CAMTA2: variants seen among roughly 807,000 people sequenced by gnomAD.
The protein encoded by CAMTA2 is calmodulin binding transcription activator 2, also known as calmodulin-binding transcription activator 2.
Under a neutral mutation model 135.7 loss-of-function variants are expected in CAMTA2, and 56 were observed. That is an observed-to-expected ratio of 0.41 (90% CI 0.33 to 0.52). The LOEUF (loss-of-function observed/expected upper bound fraction) is 0.52, where lower values mean the gene tolerates loss of function less well. CAMTA2 is among the 20% of genes least tolerant of loss of function. The probability of loss-of-function intolerance (pLI) is 0.16; values close to 1 mark genes in which losing one functional copy is unlikely to be tolerated. For synonymous variants in CAMTA2, 591 were observed against 604.6 expected, an observed-to-expected ratio of 0.98 and a Z score of 0.33; for missense variants, 1,358 against 1,553.4, an observed-to-expected ratio of 0.87 and a Z score of 2.11.
intron 16 of CAMTA2, 125 bp downstream of exon 16, chr17:4,972,107 T>C: frequency 2.5e-6 from 2 of 792,070 alleles, no homozygotes; most frequent in Middle Eastern, 4.7e-4. Context: ...ACCTTGCCTG[T>C]CCCAAAATGA....
rs370707703 is a variant in CAMTA2 at position 4,987,149 on chromosome 17, G to A, written c.-65+444C>T. 2.1e-3 allele frequency: 2,852 copies of A among 1,351,794 alleles called. 6 individuals are homozygous for A. Among genetic ancestry groups the A allele is most frequent in the African/African-American group, 0.011 (741 of 65,234 alleles). The allele number at this position is 1,351,794 out of a possible 1,614,324, so 83.7% of individuals were successfully genotyped here. ...CCCCAGGGCGCAGGTGCGCAGTCCTGGCTAGGCAGCCTGCCAGGGTGCGGA... is the reference window on the plus strand; with the variant it reads ...CCCCAGGGCGCAGGTGCGCAGTCCTAGCTAGGCAGCCTGCCAGGGTGCGGA... On this transcript the variant is annotated intron_variant, in intron 1 of 22. Coordinates refer to ENST00000348066, the MANE Select transcript of CAMTA2 (RefSeq NM_015099.4).
At chr17:4,981,970 C>T in intron 6 of CAMTA2, 119 bp downstream of exon 6, 3 of 1,269,828 alleles carry the variant, frequency 2.4e-6, no homozygotes, top group South Asian at 1.2e-5. Context: ...GCCCCTTTCT[C>T]TTCTTCCCAG....
intron 3 of CAMTA2, among the ~76,000 whole-genome samples, chr17:4,984,020 G>A (rs957361831): frequency 1.3e-5 from 2 of 151,796 alleles, no homozygotes; most frequent in Non-Finnish European, 2.9e-5. Flanking sequence ...GCGCCATCTC[G>A]GCTCACTGCA....
rs1421289491 is a variant in CAMTA2, at chr17:4,968,668, G to A, written c.*88C>T. 3.3e-6 allele frequency: 5 copies of A among 1,496,298 alleles called. No individual in the cohort carries two copies. Among genetic ancestry groups the A allele is most frequent in the African/African-American group, 2.8e-5 (2 of 72,610 alleles). 92.7% of individuals were successfully genotyped at this position (1,496,298 alleles called of 1,614,324 possible). A position where few individuals can be genotyped will look rare whatever the true frequency, so the allele number is the denominator to read the frequency against. ...AACAAAGGTGAACAGGAAAGCTGCCGACAGGGGCTCCCCCTGCCCCAGAAA... is the reference window on the plus strand; with the variant it reads ...AACAAAGGTGAACAGGAAAGCTGCCAACAGGGGCTCCCCCTGCCCCAGAAA... On this transcript the variant is annotated 3_prime_UTR_variant, in exon 23 of 23. Transcript: ENST00000348066.
At chr17:4,987,331 C>T (rs1973417272) in intron 1 of CAMTA2, 1 of 1,344,884 alleles carries the variant, frequency 7.4e-7, no homozygotes, top group African/African-American at 1.5e-5. Context: ...GGAGCAGAGT[C>T]CGCGGGCACG....
In CAMTA2 at chr17:4,982,817, C is replaced by T. The variant is rs762447567; in HGVS notation, c.279G>A (p.Lys93=). ...KYRKDGYLWK[K]RKDGKTTRED... ...CTCGGGTGGTCTTCCCATCCTTCCGCTTCTTCCAGAGGTAACCATCCTTCC... is the reference window on the plus strand; with the variant it reads ...CTCGGGTGGTCTTCCCATCCTTCCGTTTCTTCCAGAGGTAACCATCCTTCC... Residue 93 remains lysine (K), a synonymous_variant, in exon 5 of 23, where the codon AAG becomes AAA. Coordinates refer to ENST00000348066, the MANE Select transcript of CAMTA2 (RefSeq NM_015099.4). 2 of 1,614,028 alleles carry T rather than the reference C, an allele frequency of 1.2e-6. No homozygotes were observed. Among genetic ancestry groups the T allele is most frequent in the Admixed American group, 3.3e-5 (2 of 60,000 alleles).
In CAMTA2 at chr17:4,974,673, G is replaced by A. The variant is rs969424246; in HGVS notation, c.1901-173C>T. 15 of 569,404 alleles carry A rather than the reference G, an allele frequency of 2.6e-5. No homozygotes were observed. In the African/African-American group the frequency reaches 2.8e-4, roughly 11 times the overall value. 35.3% of individuals were successfully genotyped at this position (569,404 alleles called of 1,614,324 possible). The stretch of plus-strand genomic sequence containing the variant: ...CCTAAATAAAGCCCACCAGGACTCA[G>A]TCCTTAAACTAGGGCTGTTAATACT... On this transcript the variant is annotated intron_variant, in intron 11 of 22. Transcript: ENST00000348066.
rs116052497 is a variant in CAMTA2, at chr17:4,978,735, G to A, written c.1639-105C>T. ...GGGTATCTACTATATGGCAGGTCCT[G>A]TGCTAGAGTCTGGGGGTCCAGGGAT... On this transcript the variant is annotated intron_variant, in intron 9 of 22. Coordinates refer to ENST00000348066, the MANE Select transcript of CAMTA2 (RefSeq NM_015099.4). 1.2e-3 allele frequency: 1,556 copies of A among 1,323,924 alleles called. 12 individuals are homozygous for A. The African/African-American group carries it at 0.019, about 17-fold the overall frequency. 82.0% of individuals were successfully genotyped at this position (1,323,924 alleles called of 1,614,324 possible). A position where few individuals can be genotyped will look rare whatever the true frequency, so the allele number is the denominator to read the frequency against.
chr17:4,978,382 G>T, intron 10 of CAMTA2, 122 bp downstream of exon 10: 1 of 1,032,810 alleles, frequency 9.7e-7, no homozygotes, highest in Non-Finnish European at 1.4e-6. Context: ...AGGACTGGAT[G>T]AAGTCCTTGT....
chr17:4,987,600 G>A lies in CAMTA2; in HGVS notation c.-72C>T, dbSNP rs1438054911. 2 of 1,527,496 alleles carry A rather than the reference G, an allele frequency of 1.3e-6. No individual in the cohort carries two copies. The highest frequency in any genetic ancestry group is 1.2e-5 in the South Asian group (1 of 82,956). The allele number at this position is 1,527,496 out of a possible 1,614,324, so 94.6% of individuals were successfully genotyped here. ...AGAGGCCCTGGCTCTTACCTCCCGGGGTCCCGCGGGTGACGGCGGCAGCGG... is the reference window on the plus strand; with the variant it reads ...AGAGGCCCTGGCTCTTACCTCCCGGAGTCCCGCGGGTGACGGCGGCAGCGG... On this transcript the variant is annotated 5_prime_UTR_variant, in exon 1 of 23. Transcript: ENST00000348066.
intron 3 of CAMTA2, among the ~76,000 whole-genome samples, chr17:4,984,977 A>T (rs1973171437): frequency 6.7e-6 from 1 of 149,540 alleles, no homozygotes; most frequent in Non-Finnish European, 1.5e-5. Flanking sequence ...AGATCGCGCC[A>T]CTGCACTCCA....
Position 4,974,465 on chromosome 17 carries a change from C to T in CAMTA2, c.1936G>A (p.Glu646Lys). 1 of 1,613,988 alleles carries T rather than the reference C, an allele frequency of 6.2e-7. No homozygotes were observed. The highest frequency in any genetic ancestry group is 8.5e-7 in the Non-Finnish European group (1 of 1,179,894). ...QFRMSILERL[E>K]QMEKRMAEIA... ...TCTGCCATCCGCTTCTCCATCTGCT[C>T]CAGTCGCTCTAGTATGGACATCCGG... Residue 646 changes from glutamate to lysine, a missense_variant, in exon 12 of 23, where the codon GAG becomes AAG. Transcript: ENST00000348066.
At chr17:4,978,893 G>A (rs1972789631) in intron 9 of CAMTA2, among the ~76,000 whole-genome samples, 2 of 152,210 alleles carry the variant, frequency 1.3e-5, no homozygotes, top group South Asian at 4.1e-4. Context: ...CCACAGAGCT[G>A]TCACCAGAAG....
At chr17:4,986,787 GA>G in intron 1 of CAMTA2, 1 of 600,450 alleles carries the variant, frequency 1.7e-6, no homozygotes. Context: ...TCTGATAACT[GA>G]ACCTAACCTA....
chr17:4,976,029 G>C (rs1243133288), intron 11 of CAMTA2, among the ~76,000 whole-genome samples: 1 of 151,592 alleles, frequency 6.6e-6, no homozygotes, highest in Non-Finnish European at 1.5e-5. Flanking sequence ...TTTTTGAGAC[G>C]GAGTCTCGCT....
intron 1 of CAMTA2, chr17:4,987,238 GC>G (rs934210330): frequency 2.2e-6 from 3 of 1,339,102 alleles, no homozygotes; most frequent in Non-Finnish European, 2.9e-6. Flanking sequence ...ACTCTGGGCG[GC>G]CCCCCGGCGG....
intron 3 of CAMTA2, among the ~76,000 whole-genome samples, chr17:4,983,529 C>T (rs1378823624): frequency 1.3e-5 from 2 of 152,052 alleles, no homozygotes; most frequent in Admixed American, 6.6e-5. Context: ...AGGTGATCCA[C>T]CCGCCTTGGC....
In CAMTA2 at chr17:4,973,762, C is replaced by T; in HGVS notation, c.2024G>A (p.Gly675Asp). Residue 675 changes from glycine (G) to aspartate (D), a missense_variant, in exon 13 of 23, where the codon GGC becomes GAC. Gly to Asp is a moderately conservative substitution (Grantham distance 94). This residue lies in a region of CAMTA2 where 1,077 missense variants were observed against 1,127.5 expected (regional missense o/e 0.96). Coordinates refer to ENST00000348066, the MANE Select transcript of CAMTA2 (RefSeq NM_015099.4). ...GPDAPPVQDEGQGPGFEARVV... is the reference protein window; with the variant it reads ...GPDAPPVQDEDQGPGFEARVV... The stretch of plus-strand genomic sequence containing the variant: ...CCGTGCTTCGAACCCAGGCCCCTGG[C>T]CTTCATCCTGCGATATACACACTCT... 8 of 1,607,440 alleles carry T rather than the reference C, an allele frequency of 5.0e-6. No homozygotes were observed. The highest frequency in any genetic ancestry group is 6.0e-6 in the Non-Finnish European group (7 of 1,175,978).
chr17:4,981,372 G>A lies in CAMTA2; in HGVS notation c.566-13C>T. ...TTGATGCCATGAACTAGAGAAGTTA[G>A]GGGGAAGTGCTGTGGGATCCCCACG... is the stretch of plus-strand genomic sequence containing the variant. On this transcript the variant is annotated splice_polypyrimidine_tract_variant and intron_variant, in intron 7 of 22. Transcript: ENST00000348066. The A allele has an allele frequency of 6.2e-7, 1 of 1,613,510 alleles. No homozygotes were observed. The highest frequency in any genetic ancestry group is 8.5e-7 in the Non-Finnish European group (1 of 1,179,524).
Sources: allele counts gnomAD v4.1 joint callset (sites outside exome capture counted in the v4.1 genomes callset), GRCh38; gene constraint gnomAD v4.1.1; regional missense constraint gnomAD v4.1.1; transcripts MANE v1.5; gene names NCBI Gene and HGNC (gene_info 2026-07-23, HGNC 2026-07-21).